Variants in DYM observed in about 807,000 individuals in gnomAD.
DYM encodes the protein dymeclin, also known as dyggve-Melchior-Clausen syndrome protein.
A neutral mutation model predicts 93.1 loss-of-function variants in DYM; 78 were observed. The ratio of observed to expected loss-of-function variants is 0.84; its 90% CI spans 0.70 to 1.01. The LOEUF is 1.01. DYM is among the 50% of genes least tolerant of loss of function. The pLI is 0.00. For synonymous variants in DYM, 321 were observed against 319.7 expected (o/e 1.00, Z -0.04); for missense variants, 789 against 845.0 (o/e 0.93, Z 0.82).
chr18:49,267,203 A>T (rs1469931316), intron 11 of DYM, among the ~76,000 whole-genome samples: 2 of 148,090 alleles, frequency 1.4e-5, no homozygotes, highest in African/African-American at 2.4e-5. Context: ...AACTTTTTAA[A>T]AAAAAAAAAG....
At chr18:49,346,425 T>A (rs1426050347) in intron 6 of DYM, among the ~76,000 whole-genome samples, 23 of 152,210 alleles carry the variant, frequency 1.5e-4, no homozygotes, top group Non-Finnish European at 3.1e-4. Flanking sequence ...AATAGGGAAA[T>A]GCATAGACAG....
chr18:49,080,379 C>A (rs1183206693), intron 17 of DYM, among the ~76,000 whole-genome samples: 2 of 125,174 alleles, frequency 1.6e-5, no homozygotes, highest in East Asian at 2.5e-4. Context: ...GCTGGCCGGG[C>A]GAGGGGCTGA....
chr18:49,345,436 C>T (rs1253646599), intron 6 of DYM, among the ~76,000 whole-genome samples: 3 of 152,036 alleles, frequency 2.0e-5, no homozygotes, highest in Non-Finnish European at 4.4e-5. Flanking sequence ...AAGAAGACCT[C>T]AACAAGGACT....
intron 13 of DYM, among the ~76,000 whole-genome samples, chr18:49,223,317 T>A (rs1402240604): frequency 6.6e-6 from 1 of 152,130 alleles, no homozygotes; most frequent in Non-Finnish European, 1.5e-5. Context: ...GCAGTCTGTG[T>A]TGTCTCACTT....
intron 1 of DYM, among the ~76,000 whole-genome samples, chr18:49,438,637 C>T (rs1350534074): frequency 1.3e-5 from 2 of 151,116 alleles, no homozygotes; most frequent in Non-Finnish European, 2.9e-5. Flanking sequence ...GACACCCCTG[C>T]CTAAGCCCTC....
At chr18:49,316,851 A>G (rs2061977543) in intron 8 of DYM, among the ~76,000 whole-genome samples, 1 of 151,970 alleles carries the variant, frequency 6.6e-6, no homozygotes, top group Admixed American at 6.6e-5. Flanking sequence ...TCCTTTAGCT[A>G]TAGGCATTTA....
chr18:49,360,723 T>C (rs1187805879), intron 6 of DYM, among the ~76,000 whole-genome samples: 2 of 152,144 alleles, frequency 1.3e-5, no homozygotes, highest in East Asian at 3.9e-4. Flanking sequence ...GTACACAGTA[T>C]ATGTGTTTCC....
At chr18:49,218,314 T>C (rs1352441323) in intron 13 of DYM, among the ~76,000 whole-genome samples, 1 of 152,190 alleles carries the variant, frequency 6.6e-6, no homozygotes, top group Non-Finnish European at 1.5e-5. Context: ...TGGGAGACTT[T>C]AACACCCCAC....
At chr18:49,332,710 T>A (rs1398336771) in intron 7 of DYM, among the ~76,000 whole-genome samples, 1 of 152,136 alleles carries the variant, frequency 6.6e-6, no homozygotes, top group East Asian at 1.9e-4. Context: ...GTAAAGAACA[T>A]ATTACGGTTT....
chr18:49,334,893 G>C (rs1009161083), intron 6 of DYM, among the ~76,000 whole-genome samples: 2 of 152,128 alleles, frequency 1.3e-5, no homozygotes, highest in Non-Finnish European at 2.9e-5. Context: ...ATCACCTGAG[G>C]TCAGGAGTTT....
chr18:49,251,856 G>A (rs563445200), intron 13 of DYM, among the ~76,000 whole-genome samples: 1 of 152,198 alleles, frequency 6.6e-6, no homozygotes, highest in Admixed American at 6.5e-5. Context: ...TACAGTGAAG[G>A]AGAAAGATCT....
intron 8 of DYM, among the ~76,000 whole-genome samples, chr18:49,316,732 C>T (rs543853914): frequency 1.8e-4 from 28 of 152,182 alleles, no homozygotes; most frequent in African/African-American, 6.5e-4. Flanking sequence ...CCCCCTGAAC[C>T]CCTGGCTATC....
chr18:49,297,927 C>A (rs984097189), intron 8 of DYM, among the ~76,000 whole-genome samples: 2 of 152,038 alleles, frequency 1.3e-5, no homozygotes, highest in Admixed American at 6.6e-5. Flanking sequence ...GTCTCCAACA[C>A]CTATTTTTGC....
chr18:49,442,832 C>T (rs1314742377), intron 1 of DYM, among the ~76,000 whole-genome samples: 1 of 151,946 alleles, frequency 6.6e-6, no homozygotes, highest in Non-Finnish European at 1.5e-5. Flanking sequence ...GGGCTAAACC[C>T]TATGTGCTGC....
intron 8 of DYM, among the ~76,000 whole-genome samples, chr18:49,326,992 CGTGT>C (rs10584298): frequency 0.11 from 10,177 of 93,234 alleles, 445 homozygotes; most frequent in Non-Finnish European, 0.12. Flanking sequence ...TTTAAAAAAC[CGTGT>C]GTGTGTGTGT....
At chr18:49,124,036 A>C (rs1016887917) in intron 15 of DYM, among the ~76,000 whole-genome samples, 3 of 152,240 alleles carry the variant, frequency 2.0e-5, no homozygotes, top group African/African-American at 7.2e-5. Context: ...TTATCTGCAG[A>C]TAGCTTACAA....
chr18:49,292,600 A>AC lies in DYM; in HGVS notation c.764-5985_764-5984insG, dbSNP rs1568188741. Among the ~76,000 whole-genome samples, 253 of 65,430 alleles carry AC rather than the reference A, an allele frequency of 3.9e-3. 3 individuals are homozygous for AC. The highest frequency in any genetic ancestry group is 0.019 in the African/African-American group (232 of 12,112). The allele number at this position is 65,430 out of a possible 152,430, so 42.9% of individuals were successfully genotyped here. On this transcript the variant is annotated intron_variant, in intron 8 of 17. Coordinates refer to ENST00000675505, the MANE Select transcript of DYM (RefSeq NM_001353214.3). ...ATTGCATTTTCCTGTTGGAAAAAAA[A>AC]AAAAAAAAAAAAAAAAAAAAAAAAA...
At chr18:49,271,944 T>C (rs189589813) in intron 11 of DYM, among the ~76,000 whole-genome samples, 1 of 151,692 alleles carries the variant, frequency 6.6e-6, no homozygotes, top group East Asian at 1.9e-4. Flanking sequence ...GCAAAAGCAT[T>C]TGTATCAATT....
chr18:49,118,157 C>T (rs1402384063), intron 16 of DYM, among the ~76,000 whole-genome samples: 3 of 151,770 alleles, frequency 2.0e-5, no homozygotes, highest in Admixed American at 2.0e-4. Flanking sequence ...TTATAGGCAT[C>T]AGCCACCACA....
Sources: allele counts gnomAD v4.1 joint callset (sites outside exome capture counted in the v4.1 genomes callset), GRCh38; gene constraint gnomAD v4.1.1; transcripts MANE v1.5; gene names NCBI Gene and HGNC (gene_info 2026-07-23, HGNC 2026-07-21).